The following USP46 variants were observed in gnomAD, a reference collection of about 807,000 sequenced individuals.
The protein encoded by USP46 is ubiquitin specific peptidase 46.
USP46 carries 12 observed loss-of-function variants against 44.4 expected under a neutral mutation model. That is an observed-to-expected ratio of 0.27 (90% confidence interval 0.17 to 0.44). The LOEUF is 0.44. Ranked by LOEUF, USP46 falls within the 20% of genes least tolerant of loss-of-function variation. The pLI is 1.00. For missense variants in USP46, 248 were observed against 444.8 expected (o/e 0.56, Z 3.98); for synonymous variants, 155 against 161.5 (o/e 0.96, Z 0.31).
In USP46 at chr4:52,592,909, G is replaced by A. The variant is rs748403729; in HGVS notation, c.*4731C>T. 1.7e-3 allele frequency: 661 copies of A among 398,392 alleles called. 1 individual carries two copies. The highest frequency in any genetic ancestry group is 2.1e-3 in the Non-Finnish European group (483 of 226,160). The allele number at this position is 398,392 out of a possible 1,614,324, so 24.7% of individuals were successfully genotyped here. A position where few individuals can be genotyped will look rare whatever the true frequency, so the allele number is the denominator to read the frequency against. ...TCTTCCTCTTGCTCCTGCCATGTAA[G>A]ATGGGCTTGCTTTCCCTTTGCCTTC... On this transcript the variant is annotated 3_prime_UTR_variant, in exon 9 of 9. Coordinates refer to ENST00000441222, the MANE Select transcript of USP46 (RefSeq NM_022832.4).
At chr4:52,654,213 C>CAGAG (rs1718873298) in intron 1 of USP46, among the ~76,000 whole-genome samples, 1 of 152,174 alleles carries the variant, frequency 6.6e-6, no homozygotes, top group Non-Finnish European at 1.5e-5. Context: ...ACTGTATTTT[C>CAGAG]TAATCCCAGC....
At chr4:52,600,729 C>A (rs551264279) in intron 7 of USP46, among the ~76,000 whole-genome samples, 1 of 152,194 alleles carries the variant, frequency 6.6e-6, no homozygotes, top group South Asian at 2.1e-4. Flanking sequence ...CCCACCAGGT[C>A]CCAGGCTCTG....
chr4:52,641,048 G>A (rs1718320854), intron 1 of USP46, among the ~76,000 whole-genome samples: 1 of 151,784 alleles, frequency 6.6e-6, no homozygotes, highest in South Asian at 2.1e-4. Flanking sequence ...CAGGGCAGCA[G>A]AGAGAATGAA....
intron 1 of USP46, among the ~76,000 whole-genome samples, chr4:52,642,836 G>A (rs776353563): frequency 6.6e-6 from 1 of 152,174 alleles, no homozygotes; most frequent in Non-Finnish European, 1.5e-5. Context: ...GAGTTCTAGA[G>A]AGTAAACCAT....
rs1182404676 is a variant in USP46, at chr4:52,649,657, A to AT, written c.36+9457dup. Reference sequence around the variant, plus strand: ...GCCTATGCATGATAAAATTGGAGGCATACTGCTTTACTCCAAGGCAATTCT... The same window carrying AT: ...GCCTATGCATGATAAAATTGGAGGCATTACTGCTTTACTCCAAGGCAATTCT... On this transcript the variant is annotated intron_variant, in intron 1 of 8. Transcript: ENST00000441222. 3.3e-5 allele frequency among the ~76,000 whole-genome samples: 5 copies of AT among 152,354 alleles called. No homozygotes were observed. The South Asian group carries it at 8.3e-4, about 25-fold the overall frequency.
In USP46 at chr4:52,626,188, T is replaced by C; in HGVS notation, c.391A>G (p.Thr131Ala). Residue 131 changes from threonine (T) to alanine (A), a missense_variant, in exon 4 of 9, where the codon ACT (threonine) becomes GCT (alanine). Physicochemically the swap from Thr to Ala is moderately conservative, Grantham distance 58 (BLOSUM62 0). Transcript: ENST00000441222. ...AHEFLNYLLN[T>A]IADILQEEKK... ...TCCTCCTGAAGGATGTCCGCAATAG[T>C]GTTTAGCAAATAATTTAAAAATTCA... The C allele has an allele frequency of 6.2e-7, 1 of 1,613,828 alleles. No individual in the cohort carries two copies. The highest frequency in any genetic ancestry group is 8.5e-7 in the Non-Finnish European group (1 of 1,179,850).
At chr4:52,658,137 A>G (rs1227018034) in intron 1 of USP46, 3 of 447,052 alleles carry the variant, frequency 6.7e-6, no homozygotes, top group Non-Finnish European at 1.4e-5. Context: ...GGCGGGGTGC[A>G]GTCTAAAGAA....
intron 1 of USP46, among the ~76,000 whole-genome samples, chr4:52,643,327 C>T (rs1718421670): frequency 6.6e-6 from 1 of 152,162 alleles, no homozygotes; most frequent in African/African-American, 2.4e-5. Flanking sequence ...AACTGTCTTC[C>T]CACTAGACCA....
intron 1 of USP46, among the ~76,000 whole-genome samples, chr4:52,634,205 CT>C (rs1232990799): frequency 6.6e-6 from 1 of 151,488 alleles, no homozygotes; most frequent in Admixed American, 6.6e-5. Flanking sequence ...CCTCTACCCC[CT>C]GGGTTCAAAC....
chr4:52,656,428 T>TGG (rs2109378254), intron 1 of USP46: 6 of 145,852 alleles, frequency 4.1e-5, no homozygotes, highest in East Asian at 5.8e-4. Context: ...GGAGGGACAG[T>TGG]GGGGGCGGTG....
chr4:52,617,187 T>C (rs1448095447), intron 4 of USP46, among the ~76,000 whole-genome samples: 2 of 152,360 alleles, frequency 1.3e-5, no homozygotes, highest in Non-Finnish European at 1.5e-5. Flanking sequence ...GGCAGAATCA[T>C]GACTTTTTTA....
intron 1 of USP46, among the ~76,000 whole-genome samples, chr4:52,637,092 G>C (rs185441285): frequency 6.6e-6 from 1 of 152,266 alleles, no homozygotes; most frequent in South Asian, 2.1e-4. Flanking sequence ...TAACAGGTAT[G>C]AGCCACTGCA....
intron 4 of USP46, among the ~76,000 whole-genome samples, chr4:52,621,611 G>GT (rs1205216819): frequency 6.6e-6 from 1 of 151,992 alleles, no homozygotes; most frequent in Non-Finnish European, 1.5e-5. Flanking sequence ...AGCCAAGATC[G>GT]TGTTACTACA....
intron 1 of USP46, among the ~76,000 whole-genome samples, chr4:52,657,248 C>A (rs551988462): frequency 7.9e-5 from 12 of 152,172 alleles, no homozygotes; most frequent in African/African-American, 2.9e-4. Flanking sequence ...ACTCTCAGGG[C>A]AGTATTGGCC....
intron 6 of USP46, among the ~76,000 whole-genome samples, chr4:52,603,434 C>T (rs1430694687): frequency 6.6e-6 from 1 of 152,196 alleles, no homozygotes; most frequent in African/African-American, 2.4e-5. Context: ...ATGATCTCAA[C>T]CTCAGGTCTA....
intron 4 of USP46, among the ~76,000 whole-genome samples, chr4:52,621,439 T>C (rs1359016696): frequency 6.6e-6 from 1 of 152,166 alleles, no homozygotes; most frequent in East Asian, 1.9e-4. Context: ...GCAGATCACC[T>C]GAGGTCAGGT....
chr4:52,592,744 C>A lies in USP46; in HGVS notation c.*4896G>T. 2.5e-6 allele frequency: 1 copy of A among 396,322 alleles called. No homozygotes were observed. 24.6% of individuals were successfully genotyped at this position (396,322 alleles called of 1,614,324 possible). On this transcript the variant is annotated 3_prime_UTR_variant, in exon 9 of 9. Coordinates refer to ENST00000441222, the MANE Select transcript of USP46 (RefSeq NM_022832.4). ...GTCCCAGCTACTTGGGAGGCTGAGG[C>A]AGAAGAATCGCTTGAACTCGGGAGG...
chr4:52,600,965 G>T (rs1412248529), intron 7 of USP46, among the ~76,000 whole-genome samples: 3 of 152,158 alleles, frequency 2.0e-5, no homozygotes, highest in Non-Finnish European at 4.4e-5. Flanking sequence ...TAAAATATGG[G>T]GTGCTTCAGA....
At chr4:52,646,557 C>A (rs1369637400) in intron 1 of USP46, among the ~76,000 whole-genome samples, 1 of 151,974 alleles carries the variant, frequency 6.6e-6, no homozygotes, top group Non-Finnish European at 1.5e-5. Context: ...TTGTATCTGT[C>A]AAGTTTAGTA....
Sources: allele counts gnomAD v4.1 joint callset (sites outside exome capture counted in the v4.1 genomes callset), GRCh38; gene constraint gnomAD v4.1.1; transcripts MANE v1.5; gene names NCBI Gene and HGNC (gene_info 2026-07-23, HGNC 2026-07-21).